The following SH3BP5L variants were observed in gnomAD, a reference collection of about 807,000 sequenced individuals.
The protein encoded by SH3BP5L is SH3 binding domain protein 5 like, also known as SH3 domain-binding protein 5-like.
Under a neutral mutation model 40.9 loss-of-function variants are expected in SH3BP5L, and 16 were observed. That is an observed-to-expected ratio of 0.39 (90% CI 0.27 to 0.59). The LOEUF (loss-of-function observed/expected upper bound fraction) is 0.59. Among genes scored for constraint, SH3BP5L ranks in the 20% least tolerant of loss-of-function variants. The pLI, the probability that SH3BP5L is intolerant of heterozygous loss-of-function variation, is 0.53. For synonymous variants in SH3BP5L, 229 were observed against 226.7 expected (o/e 1.01, Z -0.09); for missense variants, 471 against 544.6 (o/e 0.86, Z 1.35).
At chr1:248,816,293 T>C in intron 4 of SH3BP5L, 1 of 496,872 alleles carries the variant, frequency 2.0e-6, no homozygotes, top group Non-Finnish European at 3.7e-6. Flanking sequence ...CACTTAAACA[T>C]TAGCAGGGCT....
rs561987363 is a variant in SH3BP5L at position 248,810,653 on chromosome 1, G to T, written c.*1247C>A. ...CAGAGTCCAGTTGCCCACGCATCCCGGTTGCTGGCAGAACATGGGCCTAGA... is the reference window on the plus strand; with the variant it reads ...CAGAGTCCAGTTGCCCACGCATCCCTGTTGCTGGCAGAACATGGGCCTAGA... On this transcript the variant is annotated 3_prime_UTR_variant, in exon 7 of 7. Transcript: ENST00000366472. 1 of 152,162 alleles carries T rather than the reference G, an allele frequency of 6.6e-6. No homozygotes were observed. Among genetic ancestry groups the T allele is most frequent in the Non-Finnish European group, 1.5e-5 (1 of 68,080 alleles). The allele number at this position is 152,162 out of a possible 1,614,324, so 9.4% of individuals were successfully genotyped here.
chr1:248,812,467 A>G lies in SH3BP5L; in HGVS notation c.712-97T>C, dbSNP rs1020640185. 7.4e-5 allele frequency: 69 copies of G among 927,792 alleles called. No individual in the cohort carries two copies. The highest frequency in any genetic ancestry group is 9.9e-5 in the Non-Finnish European group (60 of 605,728). The allele number at this position is 927,792 out of a possible 1,614,324, so 57.5% of individuals were successfully genotyped here. A position where few individuals can be genotyped will look rare whatever the true frequency, so the allele number is the denominator to read the frequency against. The stretch of plus-strand genomic sequence containing the variant: ...GTCTGAGGGCCTGCTCTCCCAGAAT[A>G]CCTGGACAGCTGGCTCAGCATCCAC... On this transcript the variant is annotated intron_variant, in intron 6 of 6. Coordinates refer to ENST00000366472, the MANE Select transcript of SH3BP5L (RefSeq NM_030645.3). The surrounding 1 kb of genome is among the most constrained non-coding windows in gnomAD (Gnocchi z 6.1).
chr1:248,811,935 G>A lies in SH3BP5L; in HGVS notation c.1147C>T (p.Arg383Cys), dbSNP rs1663943598. 1 of 1,552,340 alleles carries A rather than the reference G, an allele frequency of 6.4e-7. No homozygotes were observed. The highest frequency in any genetic ancestry group is 8.7e-7 in the Non-Finnish European group (1 of 1,148,096). ...GGRRGSDGGA[R>C]GGRHQRSVSL ...ACGCTGCGCTGGTGCCGACCCCCAC[G>A]GGCTCCGCCGTCGCTGCCCCGGCGC... The change falls in exon 7 of 7, where the codon CGT becomes TGT. Residue 383 changes from arginine to cysteine, a missense_variant. Transcript: ENST00000366472.
Position 248,824,992 on chromosome 1 carries a change from A to C in SH3BP5L, c.-57T>G. ...AAGAGAGGACTGACATGCTGGGACC[A>C]GGGCCCCAGCTTGGGGCTTCCTGGG... On this transcript the variant is annotated 5_prime_UTR_variant, in exon 2 of 7. Coordinates refer to ENST00000366472, the MANE Select transcript of SH3BP5L (RefSeq NM_030645.3). The C allele has an allele frequency of 1.3e-6, 2 of 1,535,914 alleles. No individual in the cohort carries two copies. Among genetic ancestry groups the C allele is most frequent in the Non-Finnish European group, 1.7e-6 (2 of 1,146,114 alleles).
chr1:248,812,481 C>T lies in SH3BP5L; in HGVS notation c.712-111G>A. ...TCTCCCAGAATACCTGGACAGCTGG[C>T]TCAGCATCCACCACAGACCCACAAC... On this transcript the variant is annotated intron_variant, in intron 6 of 6. Coordinates refer to ENST00000366472, the MANE Select transcript of SH3BP5L (RefSeq NM_030645.3). This position sits in a 1 kb window ranked among gnomAD's most constrained non-coding sequence, Gnocchi z 6.1. 1.2e-6 allele frequency: 1 copy of T among 821,626 alleles called. No homozygotes were observed. Among genetic ancestry groups the T allele is most frequent in the Admixed American group, 2.2e-5 (1 of 45,782 alleles). The allele number at this position is 821,626 out of a possible 1,614,324, so 50.9% of individuals were successfully genotyped here.
chr1:248,825,324 G>A lies in SH3BP5L; in HGVS notation c.-389C>T, dbSNP rs1016446492. Reference sequence around the variant, plus strand: ...CTGTGGTGGCAGCTGGAGAGAGAAGGCTGGGCCCGAGCTGAGGCTGTAGGA... The same window carrying A: ...CTGTGGTGGCAGCTGGAGAGAGAAGACTGGGCCCGAGCTGAGGCTGTAGGA... On this transcript the variant is annotated 5_prime_UTR_variant, in exon 2 of 7. Transcript: ENST00000366472. 3.0e-6 allele frequency: 3 copies of A among 1,010,416 alleles called. No individual in the cohort carries two copies. Among genetic ancestry groups the A allele is most frequent in the African/African-American group, 3.5e-5 (2 of 57,894 alleles). The allele number at this position is 1,010,416 out of a possible 1,614,324, so 62.6% of individuals were successfully genotyped here. A position where few individuals can be genotyped will look rare whatever the true frequency, so the allele number is the denominator to read the frequency against.
chr1:248,814,978 T>C (rs1664064762), intron 4 of SH3BP5L: 1 of 364,612 alleles, frequency 2.7e-6, no homozygotes, highest in Admixed American at 3.7e-5. Flanking sequence ...ATCAATTCCA[T>C]GTTCAGCAGG....
In SH3BP5L at chr1:248,811,831, G is replaced by T; in HGVS notation, c.*69C>A. The stretch of plus-strand genomic sequence containing the variant: ...GGAAGACGAGGCCCCAGAGGAGAGG[G>T]CGTGAGAAGACTGTGGGCCCCAACC... On this transcript the variant is annotated 3_prime_UTR_variant, in exon 7 of 7. Transcript: ENST00000366472. 2 of 1,151,816 alleles carry T rather than the reference G, an allele frequency of 1.7e-6. No homozygotes were observed. The highest frequency in any genetic ancestry group is 2.4e-6 in the Non-Finnish European group (2 of 830,986). The allele number at this position is 1,151,816 out of a possible 1,614,324, so 71.3% of individuals were successfully genotyped here. A position where few individuals can be genotyped will look rare whatever the true frequency, so the allele number is the denominator to read the frequency against.
chr1:248,820,673 A>G (rs187147994), intron 2 of SH3BP5L: 11 of 152,352 alleles, frequency 7.2e-5, no homozygotes, highest in African/African-American at 2.6e-4. Flanking sequence ...GTAAAGAAAG[A>G]AGTGCTGTAA....
intron 4 of SH3BP5L, 66 bp downstream of exon 4, chr1:248,816,468 G>C (rs1664107750): frequency 6.2e-7 from 1 of 1,604,348 alleles, no homozygotes; most frequent in Admixed American, 1.7e-5. Context: ...ACTCCATATA[G>C]AGACAGAAGA....
rs748321338 is a variant in SH3BP5L, at chr1:248,814,579, C to T, written c.407G>A (p.Arg136Gln). The change falls in exon 5 of 7, where the codon CGG becomes CAG. Residue 136 changes from arginine to glutamine, a missense_variant. Arg to Gln is a conservative substitution (Grantham distance 43). This residue lies in a region of SH3BP5L where 275 missense variants were observed against 370.1 expected (regional missense o/e 0.74). Transcript: ENST00000366472. ...AQQETQKAAL[R>Q]YERAVSMHNA... ...GTGCATGCTTACGGCCCGCTCGTACCGCAGCGCTGCCTTCTGTGTCTCCTG... is the reference window on the plus strand; with the variant it reads ...GTGCATGCTTACGGCCCGCTCGTACTGCAGCGCTGCCTTCTGTGTCTCCTG... 8 of 1,614,162 alleles carry T rather than the reference C, an allele frequency of 5.0e-6. No homozygotes were observed. Among genetic ancestry groups the T allele is most frequent in the East Asian group, 4.5e-5 (2 of 44,880 alleles).
At position 248,824,734 on chromosome 1, in the gene SH3BP5L, CTGCTCTCAG is replaced by C. The variant is rs750822658; in HGVS notation, c.183+10_183+18del. On this transcript the variant is annotated intron_variant, in intron 2 of 6. Coordinates refer to ENST00000366472, the MANE Select transcript of SH3BP5L (RefSeq NM_030645.3). ...TGGAATCTGGGCTCTCCTTCTCTCC[CTGCTCTCAG>C]TGCTCTCACCTGTATTCTAGGATCC... 217 of 1,612,030 alleles carry C rather than the reference CTGCTCTCAG, an allele frequency of 1.3e-4. No homozygotes were observed. Among genetic ancestry groups the C allele is most frequent in the Non-Finnish European group, 1.7e-4 (200 of 1,178,836 alleles).
At position 248,812,236 on chromosome 1, in the gene SH3BP5L, G is replaced by C; in HGVS notation, c.846C>G (p.His282Gln). ...HARRRGGLPP[H>Q]PLGPRRSSPV... is the part of the protein sequence containing the mutation. ...GGGAGGAGCGCCGAGGGCCCAGGGGGTGGGGAGGCAGACCCCCGCGGCGCC... is the reference window on the plus strand; with the variant it reads ...GGGAGGAGCGCCGAGGGCCCAGGGGCTGGGGAGGCAGACCCCCGCGGCGCC... Residue 282 changes from histidine (H) to glutamine (Q), a missense_variant, in exon 7 of 7, where the codon CAC (histidine) becomes CAG (glutamine). By Grantham distance (24) the His-to-Gln change is conservative. Coordinates refer to ENST00000366472, the MANE Select transcript of SH3BP5L (RefSeq NM_030645.3). This position sits in a 1 kb window ranked among gnomAD's most constrained non-coding sequence, Gnocchi z 6.1. 1.2e-6 allele frequency: 2 copies of C among 1,609,906 alleles called. No individual in the cohort carries two copies. The highest frequency in any genetic ancestry group is 1.7e-6 in the Non-Finnish European group (2 of 1,179,078).
chr1:248,825,117 A>C lies in SH3BP5L; in HGVS notation c.-182T>G. On this transcript the variant is annotated 5_prime_UTR_variant, in exon 2 of 7. Transcript: ENST00000366472. Reference sequence around the variant, plus strand: ...GTTAGAGGTTGAGATTCAAGTTGTCAGTGGGGTTCCTAGAGCTGAAGCCTT... The same window carrying C: ...GTTAGAGGTTGAGATTCAAGTTGTCCGTGGGGTTCCTAGAGCTGAAGCCTT... 7.2e-7 allele frequency: 1 copy of C among 1,397,022 alleles called. No homozygotes were observed. Among genetic ancestry groups the C allele is most frequent in the Non-Finnish European group, 9.3e-7 (1 of 1,079,826 alleles). The allele number at this position is 1,397,022 out of a possible 1,614,324, so 86.5% of individuals were successfully genotyped here.
chr1:248,823,178 C>T (rs1021298013), intron 2 of SH3BP5L, among the ~76,000 whole-genome samples: 1 of 152,152 alleles, frequency 6.6e-6, no homozygotes, highest in Non-Finnish European at 1.5e-5. Flanking sequence ...TGGAGCAGGG[C>T]AAGGAAGGCT....
At chr1:248,814,896 A>T (rs924384124) in intron 4 of SH3BP5L, 4 of 520,166 alleles carry the variant, frequency 7.7e-6, no homozygotes, top group Admixed American at 2.6e-5. Flanking sequence ...AACAAAGGAA[A>T]ACACAAACCA....
Position 248,816,828 on chromosome 1 carries a change from C to G in SH3BP5L, c.240G>C (p.Gln80His). Residue 80 changes from glutamine to histidine, a missense_variant, in exon 3 of 7, where the codon CAG becomes CAC. By Grantham distance (24) the Gln-to-His change is conservative. Around this residue, in one of 2 missense-constraint regions of SH3BP5L, gnomAD observed 275 missense variants for 370.1 expected, o/e 0.74. Transcript: ENST00000366472. ...TAAGGAAAAGGACACTCACATCCAGCTGTAGTTCCACCTGGTTGATCTCCT... is the reference window on the plus strand; with the variant it reads ...TAAGGAAAAGGACACTCACATCCAGGTGTAGTTCCACCTGGTTGATCTCCT... Reference protein sequence around the residue: ...ASEEINQVELQLDEARTTYRR... With the variant: ...ASEEINQVELHLDEARTTYRR... The G allele has an allele frequency of 6.2e-7, 1 of 1,614,108 alleles. No homozygotes were observed. Among genetic ancestry groups the G allele is most frequent in the East Asian group, 2.2e-5 (1 of 44,872 alleles).
At chr1:248,819,153 T>C (rs966603281) in intron 2 of SH3BP5L, among the ~76,000 whole-genome samples, 17 of 152,088 alleles carry the variant, frequency 1.1e-4, no homozygotes, top group Non-Finnish European at 2.1e-4. Context: ...ATACAGGAAA[T>C]GGTTTGACAT....
In SH3BP5L at chr1:248,814,618, G is replaced by T. The variant is rs768979331; in HGVS notation, c.376-8C>A. 9.9e-6 allele frequency: 16 copies of T among 1,614,222 alleles called. No homozygotes were observed. Among genetic ancestry groups the T allele is most frequent in the Non-Finnish European group, 1.4e-5 (16 of 1,180,038 alleles). ...CTGTGTCTCCTGCTGAGCCTGGGGG[G>T]AGAGGGATATCAGGATGGGGAACCC... On this transcript the variant is annotated splice_region_variant and splice_polypyrimidine_tract_variant and intron_variant, in intron 4 of 6. Transcript: ENST00000366472.
Sources: allele counts gnomAD v4.1 joint callset (sites outside exome capture counted in the v4.1 genomes callset), GRCh38; gene constraint gnomAD v4.1.1; regional missense constraint gnomAD v4.1.1; non-coding constraint Gnocchi (gnomAD v3.1); transcripts MANE v1.5; gene names NCBI Gene and HGNC (gene_info 2026-07-23, HGNC 2026-07-21).